Variants in PTPN13 observed in about 807,000 individuals in gnomAD.
The protein encoded by PTPN13 is protein tyrosine phosphatase non-receptor type 13.
In PTPN13, 191 loss-of-function variants were observed where a neutral mutation model predicts 284.0. That is an observed-to-expected ratio of 0.67 (90% CI 0.60 to 0.76). The LOEUF (loss-of-function observed/expected upper bound fraction) is 0.76. Among genes scored for constraint, PTPN13 ranks in the 30% least tolerant of loss-of-function variants. The pLI is 0.00. For synonymous variants in PTPN13, 986 were observed against 1,022.3 expected, an observed-to-expected ratio of 0.96 and a Z score of 0.68; for missense variants, 2,797 against 2,939.9, an observed-to-expected ratio of 0.95 and a Z score of 1.12.
chr4:86,795,304 G>A (rs1743206657), intron 40 of PTPN13, among the ~76,000 whole-genome samples: 1 of 152,162 alleles, frequency 6.6e-6, no homozygotes, highest in African/African-American at 2.4e-5. Flanking sequence ...ATCATCACTG[G>A]TCATCAGAGA....
At chr4:86,763,324 G>A in intron 24 of PTPN13, 134 bp downstream of exon 24, 3 of 772,996 alleles carry the variant, frequency 3.9e-6, no homozygotes, top group Non-Finnish European at 6.2e-6. Flanking sequence ...TCTTCTAATT[G>A]CTACTGCATT....
intron 1 of PTPN13, among the ~76,000 whole-genome samples, chr4:86,601,525 A>G (rs1309423149): frequency 6.6e-6 from 1 of 152,080 alleles, no homozygotes; most frequent in Non-Finnish European, 1.5e-5. Flanking sequence ...TTTAATAGAA[A>G]TTTCCTTCAA....
In PTPN13 at chr4:86,764,760, C is replaced by G. The variant is rs1056773054; in HGVS notation, c.4149+36C>G. The G allele has an allele frequency of 4.4e-6, 7 of 1,573,984 alleles. No individual in the cohort carries two copies. The Admixed American group carries it at 7.9e-5, about 18-fold the overall frequency. ...ACAAGGTTTTCAAATGTTTTCTCTT[C>G]TTTAATTTCCAGCAGCCTATTGTAT... On this transcript the variant is annotated intron_variant, in intron 25 of 47. Coordinates refer to ENST00000411767, the MANE Select transcript of PTPN13 (RefSeq NM_080683.3).
rs772376098 is a variant in PTPN13 at position 86,701,537 on chromosome 4, A to G, written c.931A>G (p.Arg311Gly). The G allele has an allele frequency of 2.5e-6, 4 of 1,614,006 alleles. No homozygotes were observed. The highest frequency in any genetic ancestry group is 1.3e-5 in the African/African-American group (1 of 75,062). The change falls in exon 7 of 48, where the codon AGA (arginine) becomes GGA (glycine). Residue 311 changes from arginine (R) to glycine (G), a missense_variant. Transcript: ENST00000411767. Reference protein sequence around the residue: ...SSMDLLCTADRDFSSGETATY... With the variant: ...SSMDLLCTADGDFSSGETATY... ...CATGGACTTGCTTTGTACAGCTGAC[A>G]GAGACTTCTCTTCAGGAGAGACTGC...
chr4:86,663,311 C>T (rs1381090405), intron 2 of PTPN13, among the ~76,000 whole-genome samples: 1 of 152,148 alleles, frequency 6.6e-6, no homozygotes, highest in Non-Finnish European at 1.5e-5. Context: ...CAATTAAACC[C>T]ATGGGGGGGT....
intron 1 of PTPN13, among the ~76,000 whole-genome samples, chr4:86,624,554 G>A (rs1721619204): frequency 1.3e-5 from 2 of 152,184 alleles, no homozygotes; most frequent in Non-Finnish European, 2.9e-5. Context: ...GCATGGTAAG[G>A]AAGTATTCAA....
intron 23 of PTPN13, among the ~76,000 whole-genome samples, chr4:86,761,139 A>AATATATATATATATATATATATATAT: frequency 8.3e-6 from 1 of 120,694 alleles, no homozygotes; most frequent in African/African-American, 3.2e-5. Flanking sequence ...TGTGTGTGTA[A>AATATATATATATATATATATATATAT]ATATATATAT....
At chr4:86,650,968 G>A (rs936612567) in intron 2 of PTPN13, among the ~76,000 whole-genome samples, 1 of 152,168 alleles carries the variant, frequency 6.6e-6, no homozygotes, top group African/African-American at 2.4e-5. Context: ...GAATAAAAGT[G>A]GAAGTAGACA....
chr4:86,596,538 ATG>A (rs1204777952), intron 1 of PTPN13, among the ~76,000 whole-genome samples: 1 of 152,202 alleles, frequency 6.6e-6, no homozygotes, highest in Non-Finnish European at 1.5e-5. Flanking sequence ...CGGTATGTGA[ATG>A]TGAGAATTAG....
chr4:86,662,669 C>G (rs542296659), intron 2 of PTPN13, among the ~76,000 whole-genome samples: 1 of 152,110 alleles, frequency 6.6e-6, no homozygotes, highest in Non-Finnish European at 1.5e-5. Context: ...AGCAAACTGT[C>G]GTTTAGAAGT....
intron 1 of PTPN13, among the ~76,000 whole-genome samples, chr4:86,626,680 A>G (rs1243493810): frequency 1.3e-5 from 2 of 152,126 alleles, no homozygotes; most frequent in Admixed American, 6.6e-5. Context: ...TGGTGCAGCT[A>G]CTATGAAAAA....
chr4:86,665,080 T>A (rs1242941600), intron 2 of PTPN13, among the ~76,000 whole-genome samples: 2 of 152,204 alleles, frequency 1.3e-5, no homozygotes, highest in African/African-American at 4.8e-5. Context: ...ATCACTTGTT[T>A]CATTAGTGTT....
chr4:86,650,284 G>A (rs1724936925), intron 2 of PTPN13, among the ~76,000 whole-genome samples: 1 of 152,004 alleles, frequency 6.6e-6, no homozygotes. Flanking sequence ...ACAACGTCTG[G>A]CCTTCATCAC....
intron 1 of PTPN13, among the ~76,000 whole-genome samples, chr4:86,600,254 G>A (rs1224264583): frequency 6.6e-6 from 1 of 151,940 alleles, no homozygotes; most frequent in Non-Finnish European, 1.5e-5. Flanking sequence ...CTGATGCACA[G>A]CTTACAAGAA....
At chr4:86,726,116 A>G (rs895877524) in intron 10 of PTPN13, among the ~76,000 whole-genome samples, 2 of 149,570 alleles carry the variant, frequency 1.3e-5, no homozygotes, top group African/African-American at 4.9e-5. Flanking sequence ...TTTGTCAAAG[A>G]TCAGTTGGTT....
At chr4:86,664,733 GA>G (rs1726871458) in intron 2 of PTPN13, among the ~76,000 whole-genome samples, 1 of 152,122 alleles carries the variant, frequency 6.6e-6, no homozygotes, top group Admixed American at 6.6e-5. Flanking sequence ...AGGTGGAAGT[GA>G]AAGGCAAATC....
In PTPN13 at chr4:86,775,162, T is replaced by G. The variant is rs1740483969; in HGVS notation, c.5509-9T>G. ...GTGATCTTCACATGCCCCTTTCTTG[T>G]TTTTGTAGGTTAATGATACAGATGT... On this transcript the variant is annotated splice_polypyrimidine_tract_variant and intron_variant, in intron 33 of 47. Transcript: ENST00000411767. 6.4e-7 allele frequency: 1 copy of G among 1,570,294 alleles called. No individual in the cohort carries two copies. The highest frequency in any genetic ancestry group is 8.6e-7 in the Non-Finnish European group (1 of 1,162,310).
intron 2 of PTPN13, among the ~76,000 whole-genome samples, chr4:86,671,815 C>A (rs998654594): frequency 6.6e-6 from 1 of 152,136 alleles, no homozygotes; most frequent in Non-Finnish European, 1.5e-5. Context: ...CAGGAATTTT[C>A]AAAGGAATTG....
At chr4:86,771,624 G>A in intron 31 of PTPN13, 89 bp downstream of exon 31, 1 of 1,332,844 alleles carries the variant, frequency 7.5e-7, no homozygotes, top group Non-Finnish European at 1.0e-6. Flanking sequence ...AGAATGAAAT[G>A]TATGTATCTG....
Sources: gnomAD v4.1 joint callset for allele counts (sites outside exome capture counted in the v4.1 genomes callset) on GRCh38, gnomAD v4.1.1 for gene constraint, MANE v1.5 for transcripts, NCBI Gene and HGNC (gene_info 2026-07-23, HGNC 2026-07-21) for gene names.